FGF14: variants seen among roughly 807,000 people sequenced by gnomAD.
FGF14 encodes fibroblast growth factor 14.
A neutral mutation model predicts 25.5 loss-of-function variants in FGF14; 5 were observed. That is an observed-to-expected ratio of 0.20 (90% CI 0.10 to 0.41). The LOEUF (loss-of-function observed/expected upper bound fraction) is 0.41. Ranked by LOEUF, FGF14 falls within the 10% of genes least tolerant of loss-of-function variation. The pLI, the probability that FGF14 is intolerant of heterozygous loss-of-function variation, is 1.00. For synonymous variants in FGF14, 138 were observed against 118.3 expected (o/e 1.17, Z -1.08); for missense variants, 222 against 320.1 (o/e 0.69, Z 2.34).
At chr13:101,844,687 T>C (rs1460263322) in intron 3 of FGF14, among the ~76,000 whole-genome samples, 1 of 152,034 alleles carries the variant, frequency 6.6e-6, no homozygotes. Context: ...AATCATTACA[T>C]ACATAGTGTA....
intron 3 of FGF14, among the ~76,000 whole-genome samples, chr13:101,757,500 T>G (rs1261758313): frequency 6.6e-6 from 1 of 152,164 alleles, no homozygotes; most frequent in Non-Finnish European, 1.5e-5. Flanking sequence ...ATTTAGAAAT[T>G]GAAAGTTATT....
At chr13:102,149,051 C>A (rs7320226) in intron 1 of FGF14, among the ~76,000 whole-genome samples, 30,367 of 151,894 alleles carry the variant, frequency 0.2, 3,222 homozygotes, top group Admixed American at 0.25. Flanking sequence ...TAGTAATAGC[C>A]CACATTTATC....
intron 1 of FGF14, among the ~76,000 whole-genome samples, chr13:101,969,340 G>A (rs891482871): frequency 3.3e-5 from 5 of 152,118 alleles, no homozygotes; most frequent in Non-Finnish European, 7.4e-5. Context: ...GAGGTGGGCG[G>A]ATCACAAGGT....
chr13:102,199,681 C>T (rs1476363349), intron 1 of FGF14, among the ~76,000 whole-genome samples: 1 of 152,116 alleles, frequency 6.6e-6, no homozygotes, highest in East Asian at 1.9e-4. Context: ...CATGCTGTAA[C>T]CCACTCCACA....
intron 1 of FGF14, among the ~76,000 whole-genome samples, chr13:101,985,333 T>C (rs2038512118): frequency 6.6e-6 from 1 of 152,062 alleles, no homozygotes; most frequent in Non-Finnish European, 1.5e-5. Context: ...AAAGAAGAGT[T>C]ATACGTATGT....
intron 1 of FGF14, among the ~76,000 whole-genome samples, chr13:102,137,224 G>A (rs937363277): frequency 5.3e-5 from 8 of 152,146 alleles, no homozygotes; most frequent in African/African-American, 1.9e-4. Flanking sequence ...CCTCATTTCA[G>A]ACATCTATCC....
intron 1 of FGF14, among the ~76,000 whole-genome samples, chr13:101,942,763 T>C (rs1237264994): frequency 2.0e-5 from 3 of 152,266 alleles, no homozygotes; most frequent in Non-Finnish European, 4.4e-5. Context: ...TCTGTGTTTC[T>C]ATGACTCTCT....
At chr13:102,004,065 C>T (rs1391914778) in intron 1 of FGF14, among the ~76,000 whole-genome samples, 2 of 152,110 alleles carry the variant, frequency 1.3e-5, no homozygotes, top group East Asian at 3.9e-4. Flanking sequence ...TGCTGAGTAC[C>T]AGATTTCATC....
chr13:102,165,624 G>A (rs779193868), intron 1 of FGF14, among the ~76,000 whole-genome samples: 4 of 125,136 alleles, frequency 3.2e-5, no homozygotes, highest in Admixed American at 2.8e-4. Flanking sequence ...ATGAGAACAC[G>A]TGGACACAGG....
At chr13:102,299,618 G>A (rs2054919566) in intron 1 of FGF14, among the ~76,000 whole-genome samples, 1 of 152,168 alleles carries the variant, frequency 6.6e-6, no homozygotes, top group Admixed American at 6.5e-5. Context: ...AGACTTGGCT[G>A]GACAGCGGGA....
At chr13:102,123,906 A>G in intron 1 of FGF14, among the ~76,000 whole-genome samples, 1 of 152,210 alleles carries the variant, frequency 6.6e-6, no homozygotes. Flanking sequence ...GATCGTAGTT[A>G]ATGGAAATAC....
chr13:101,901,694 ACT>A (rs905137641), intron 1 of FGF14, among the ~76,000 whole-genome samples: 7 of 152,200 alleles, frequency 4.6e-5, no homozygotes, highest in Admixed American at 4.6e-4. Flanking sequence ...ACAGAGCAAG[ACT>A]CTGTCTCAAA....
At chr13:101,922,549 T>A (rs959427283) in intron 1 of FGF14, among the ~76,000 whole-genome samples, 1 of 152,318 alleles carries the variant, frequency 6.6e-6, no homozygotes, top group African/African-American at 2.4e-5. Flanking sequence ...ATTGACAATA[T>A]GCCCTTTTTC....
intron 3 of FGF14, among the ~76,000 whole-genome samples, chr13:101,822,074 G>A (rs183384723): frequency 1.6e-4 from 25 of 152,198 alleles, no homozygotes; most frequent in Admixed American, 1.6e-3. Flanking sequence ...GGAAAACTGT[G>A]TCTACTCTCT....
chr13:102,256,150 G>T (rs1400902670), intron 1 of FGF14, among the ~76,000 whole-genome samples: 1 of 152,074 alleles, frequency 6.6e-6, no homozygotes, highest in Non-Finnish European at 1.5e-5. Context: ...GGTATGAGTT[G>T]ATGGAAGAGA....
chr13:102,335,185 C>T (rs2056756499), intron 1 of FGF14, among the ~76,000 whole-genome samples: 1 of 152,176 alleles, frequency 6.6e-6, no homozygotes, highest in Non-Finnish European at 1.5e-5. Flanking sequence ...CCCTGTTTTA[C>T]TTGGCCCAAT....
intron 1 of FGF14, among the ~76,000 whole-genome samples, chr13:102,355,938 TAAAAC>T (rs2057407533): frequency 6.6e-6 from 1 of 152,146 alleles, no homozygotes; most frequent in South Asian, 2.1e-4. Context: ...CCTATGCTAT[TAAAAC>T]CTCATGTGAC....
At chr13:101,767,583 A>G (rs2038489440) in intron 3 of FGF14, among the ~76,000 whole-genome samples, 1 of 152,214 alleles carries the variant, frequency 6.6e-6, no homozygotes, top group South Asian at 2.1e-4. Flanking sequence ...TTTTACCCCA[A>G]TATTATTGCA....
At chr13:102,311,137 AT>A (rs1375011721) in intron 1 of FGF14, among the ~76,000 whole-genome samples, 1 of 152,172 alleles carries the variant, frequency 6.6e-6, no homozygotes, top group African/African-American at 2.4e-5. Flanking sequence ...CATTCATTAC[AT>A]TCAGCATGGT....
Sources: gnomAD v4.1 joint callset for allele counts (sites outside exome capture counted in the v4.1 genomes callset) on GRCh38, gnomAD v4.1.1 for gene constraint, MANE v1.5 for transcripts, NCBI Gene and HGNC (gene_info 2026-07-23, HGNC 2026-07-21) for gene names.